Variants in GAN observed in about 807,000 individuals in gnomAD.
GAN encodes gigaxonin.
In GAN, 48 loss-of-function variants were observed where a neutral mutation model predicts 71.3. The ratio of observed to expected loss-of-function variants is 0.67; its 90% CI spans 0.53 to 0.86. GAN has a LOEUF of 0.86. GAN is among the 40% of genes least tolerant of loss of function. GAN has a pLI of 0.00. For synonymous variants in GAN, 386 were observed against 276.8 expected (o/e 1.39, Z -3.92); for missense variants, 928 against 770.1 (o/e 1.21, Z -2.43).
intron 9 of GAN, among the ~76,000 whole-genome samples, chr16:81,372,279 A>G (rs1259347336): frequency 6.6e-6 from 1 of 152,232 alleles, no homozygotes; most frequent in African/African-American, 2.4e-5. Context: ...TGCAAAAATT[A>G]GTATCGTTTA....
chr16:81,388,672 C>T lies in GAN; in HGVS notation c.*11076C>T, dbSNP rs1904475834. 6.6e-6 allele frequency: 1 copy of T among 152,438 alleles called. No individual in the cohort carries two copies. Among genetic ancestry groups the T allele is most frequent in the Non-Finnish European group, 1.5e-5 (1 of 68,198 alleles). The allele number at this position is 152,438 out of a possible 1,614,324, so 9.4% of individuals were successfully genotyped here. A position where few individuals can be genotyped will look rare whatever the true frequency, so the allele number is the denominator to read the frequency against. On this transcript the variant is annotated 3_prime_UTR_variant, in exon 11 of 11. Transcript: ENST00000648994. The stretch of plus-strand genomic sequence containing the variant: ...GGTGGCCTCTTGTGTGACAGGCCCT[C>T]TGCCATGTCTGTCCGCAGAGCCGGG...
In GAN at chr16:81,377,554, G is replaced by A. The variant is rs1370994315; in HGVS notation, c.1752G>A (p.Gln584=). Residue 584 remains glutamine, a synonymous_variant, in exon 11 of 11, where the codon CAG becomes CAA. Transcript: ENST00000648994. ...RIANCKLFRL[Q]LQQGLFRIRV... ...CGAATTGCAAGCTTTTCCGCCTGCA[G>A]CTTCAGCAAGGCTTATTCCGTATTC... 6.2e-7 allele frequency: 1 copy of A among 1,614,092 alleles called. No individual in the cohort carries two copies.
chr16:81,321,818 G>A (rs913907921), intron 1 of GAN, among the ~76,000 whole-genome samples: 3 of 152,194 alleles, frequency 2.0e-5, no homozygotes, highest in Admixed American at 1.3e-4. Context: ...AGATACGGGG[G>A]TGTGAGATGT....
chr16:81,364,397 C>T (rs947917181), intron 7 of GAN, among the ~76,000 whole-genome samples: 1 of 152,202 alleles, frequency 6.6e-6, no homozygotes, highest in Admixed American at 6.5e-5. Context: ...TACTGAATAG[C>T]TGGGACTACA....
intron 1 of GAN, among the ~76,000 whole-genome samples, chr16:81,321,292 T>TAA (rs1391422874): frequency 6.6e-6 from 1 of 152,226 alleles, no homozygotes; most frequent in African/African-American, 2.4e-5. Context: ...CGAGGATTGT[T>TAA]ATTATGAGTA....
At chr16:81,355,924 G>C (rs1910470390) in intron 3 of GAN, among the ~76,000 whole-genome samples, 1 of 152,204 alleles carries the variant, frequency 6.6e-6, no homozygotes, top group Non-Finnish European at 1.5e-5. Flanking sequence ...AGGACAGGTA[G>C]TGTTCTGCTT....
intron 4 of GAN, 111 bp from the exon 5 acceptor site, chr16:81,357,699 T>C: frequency 1.9e-6 from 2 of 1,074,410 alleles, no homozygotes; most frequent in Non-Finnish European, 2.9e-6. Flanking sequence ...TCCACAAGGG[T>C]TTTTAAAAAA....
At position 81,377,818 on chromosome 16, in the gene GAN, A is replaced by G. The variant is rs555248304; in HGVS notation, c.*222A>G. 2 of 582,680 alleles carry G rather than the reference A, an allele frequency of 3.4e-6. No individual in the cohort carries two copies. The highest frequency in any genetic ancestry group is 6.1e-6 in the Non-Finnish European group (2 of 325,560). 36.1% of individuals were successfully genotyped at this position (582,680 alleles called of 1,614,324 possible). ...GGGAGGAGTGAGTTCCTCCAGTTAA[A>G]TGTGGCTGTAGATGTTGGAGGCTAG... is the stretch of plus-strand genomic sequence containing the variant. On this transcript the variant is annotated 3_prime_UTR_variant, in exon 11 of 11. Transcript: ENST00000648994.
chr16:81,316,331 C>G (rs868417731), intron 1 of GAN, among the ~76,000 whole-genome samples: 1 of 131,862 alleles, frequency 7.6e-6, no homozygotes, highest in Admixed American at 8.2e-5. Context: ...CGCTTTGTCC[C>G]AGCAAAACCA....
chr16:81,350,298 C>T (rs901001069), intron 1 of GAN, among the ~76,000 whole-genome samples: 6 of 152,088 alleles, frequency 3.9e-5, no homozygotes, highest in African/African-American at 1.4e-4. Flanking sequence ...CAGATGATAA[C>T]CACAGTGAGA....
At chr16:81,329,210 C>A (rs1909490336) in intron 1 of GAN, among the ~76,000 whole-genome samples, 2 of 151,876 alleles carry the variant, frequency 1.3e-5, no homozygotes, top group South Asian at 4.2e-4. Flanking sequence ...GGCTTCTTTG[C>A]CCCAGCAGAA....
intron 1 of GAN, among the ~76,000 whole-genome samples, chr16:81,333,729 AG>A (rs1206772535): frequency 7.9e-5 from 12 of 152,262 alleles, no homozygotes; most frequent in Admixed American, 7.9e-4. Context: ...ATCCATACTT[AG>A]TACCTAATAT....
intron 9 of GAN, 28 bp downstream of exon 9, chr16:81,365,506 C>T (rs1049302531): frequency 6.2e-7 from 1 of 1,607,232 alleles, no homozygotes; most frequent in Non-Finnish European, 8.5e-7. Context: ...CACATAGCTA[C>T]TGCAACTTTT....
intron 1 of GAN, among the ~76,000 whole-genome samples, chr16:81,350,329 A>C (rs1009541232): frequency 1.3e-5 from 2 of 152,164 alleles, no homozygotes; most frequent in Non-Finnish European, 2.9e-5. Context: ...CACTCATTCA[A>C]TTGACAAAAC....
chr16:81,359,265 A>G (rs961565416), intron 5 of GAN, among the ~76,000 whole-genome samples: 3 of 152,336 alleles, frequency 2.0e-5, no homozygotes, highest in South Asian at 4.1e-4. Context: ...AAAGGCTCCT[A>G]TATGACTAAT....
At chr16:81,340,326 C>G (rs958571556) in intron 1 of GAN, among the ~76,000 whole-genome samples, 14 of 152,156 alleles carry the variant, frequency 9.2e-5, no homozygotes, top group South Asian at 6.2e-4. Flanking sequence ...TAAAACCCAT[C>G]CAGTCACATG....
Position 81,366,341 on chromosome 16 carries a change from C to T in GAN, c.1502+863C>T, listed in dbSNP as rs540208610. 2.6e-5 allele frequency among the ~76,000 whole-genome samples: 4 copies of T among 152,318 alleles called. No homozygotes were observed. The South Asian group carries it at 6.2e-4, about 24-fold the overall frequency. On this transcript the variant is annotated intron_variant, in intron 9 of 10. Transcript: ENST00000648994. ...GGCTTGATTTCTGAGATTCTTAAAACCTCTGACAAGTGCCACGTATGTCTT... is the reference window on the plus strand; with the variant it reads ...GGCTTGATTTCTGAGATTCTTAAAATCTCTGACAAGTGCCACGTATGTCTT...
chr16:81,322,102 A>G (rs1362124569), intron 1 of GAN, among the ~76,000 whole-genome samples: 1 of 152,210 alleles, frequency 6.6e-6, no homozygotes, highest in Non-Finnish European at 1.5e-5. Flanking sequence ...TGATGGTCAG[A>G]TGTTTGCTGC....
At chr16:81,375,038 C>T (rs900296801) in intron 9 of GAN, among the ~76,000 whole-genome samples, 6 of 152,052 alleles carry the variant, frequency 3.9e-5, no homozygotes, top group East Asian at 1.9e-4. Context: ...GAAAAATCTT[C>T]GTATTGGGGT....
Sources: gnomAD v4.1 joint callset for allele counts (sites outside exome capture counted in the v4.1 genomes callset) on GRCh38, gnomAD v4.1.1 for gene constraint, MANE v1.5 for transcripts, NCBI Gene and HGNC (gene_info 2026-07-23, HGNC 2026-07-21) for gene names.